Variants in PDE4D observed in about 807,000 individuals in gnomAD.
The protein encoded by PDE4D is 3',5'-cyclic-AMP phosphodiesterase 4D.
PDE4D carries 24 observed loss-of-function variants against 87.4 expected under a neutral mutation model. The ratio of observed to expected loss-of-function variants is 0.27; its 90% confidence interval spans 0.20 to 0.39. The LOEUF (loss-of-function observed/expected upper bound fraction) is 0.39, where lower values mean the gene tolerates loss of function less well. Among genes scored for constraint, PDE4D ranks in the 10% least tolerant of loss-of-function variants. The pLI, the probability that PDE4D is intolerant of heterozygous loss-of-function variation, is 1.00. For synonymous variants in PDE4D, 384 were observed against 383.2 expected, an observed-to-expected ratio of 1.00 and a Z score of -0.02; for missense variants, 714 against 1,041.0, an observed-to-expected ratio of 0.69 and a Z score of 4.32.
intron 1 of PDE4D, among the ~76,000 whole-genome samples, chr5:59,818,282 C>T (rs1769230502): frequency 6.6e-6 from 1 of 152,280 alleles, no homozygotes; most frequent in South Asian, 2.1e-4. Flanking sequence ...TCCCAGTTTG[C>T]TCAGTTGTGA....
At chr5:59,890,706 A>T (rs1007228154) in intron 1 of PDE4D, among the ~76,000 whole-genome samples, 1 of 152,224 alleles carries the variant, frequency 6.6e-6, no homozygotes, top group South Asian at 2.1e-4. Flanking sequence ...CTTGGGTTTC[A>T]GTCTTAGCTC....
chr5:60,011,233 G>C (rs1005634193), intron 2 of PDE4D, among the ~76,000 whole-genome samples: 2 of 152,100 alleles, frequency 1.3e-5, no homozygotes, highest in Non-Finnish European at 2.9e-5. Flanking sequence ...GCACTATTGA[G>C]AGTGAGAAAT....
chr5:59,253,848 A>G (rs933437054), intron 1 of PDE4D, among the ~76,000 whole-genome samples: 27 of 152,134 alleles, frequency 1.8e-4, no homozygotes, highest in Non-Finnish European at 7.3e-5. Context: ...GTGAGGAGTG[A>G]TGTCATAGGA....
chr5:59,389,105 C>T (rs980280144), intron 1 of PDE4D, among the ~76,000 whole-genome samples: 3 of 151,898 alleles, frequency 2.0e-5, no homozygotes, highest in Non-Finnish European at 4.4e-5. Context: ...ATTGTGTGTA[C>T]ATTTACATTT....
intron 2 of PDE4D, among the ~76,000 whole-genome samples, chr5:60,014,057 C>T (rs1232897707): frequency 1.4e-5 from 2 of 147,834 alleles, no homozygotes; most frequent in African/African-American, 5.0e-5. Flanking sequence ...CATGCCACTG[C>T]ACTCCAGCCT....
At chr5:60,236,010 T>C (rs533443713) in intron 1 of PDE4D, among the ~76,000 whole-genome samples, 2 of 152,024 alleles carry the variant, frequency 1.3e-5, no homozygotes, top group South Asian at 2.1e-4. Flanking sequence ...TTTCAGCAAG[T>C]GGTGCTGGAG....
chr5:59,940,704 C>T (rs34093369), intron 3 of PDE4D, among the ~76,000 whole-genome samples: 1 of 151,804 alleles, frequency 6.6e-6, no homozygotes, highest in African/African-American at 2.4e-5. Context: ...TACACAGGTC[C>T]GGAGCTCAGA....
chr5:60,057,740 A>T (rs545280237), intron 2 of PDE4D, among the ~76,000 whole-genome samples: 35 of 152,148 alleles, frequency 2.3e-4, no homozygotes, highest in African/African-American at 8.4e-4. Flanking sequence ...CTGTTAATGT[A>T]GAGTATATTG....
In PDE4D at chr5:59,970,561, C is replaced by T. The variant is rs1384151858; in HGVS notation, c.272+17927G>A. ...AAGTGGTGAAGGACATGAACAGACACTTCTCAAAAGAAGACATTTGTGCAG... is the reference window on the plus strand; with the variant it reads ...AAGTGGTGAAGGACATGAACAGACATTTCTCAAAAGAAGACATTTGTGCAG... On this transcript the variant is annotated intron_variant, in intron 3 of 16. Transcript: ENST00000502484. Among the ~76,000 whole-genome samples the T allele has an allele frequency of 3.3e-5, 5 of 152,158 alleles. No individual in the cohort carries two copies. The South Asian group carries it at 6.2e-4, about 19-fold the overall frequency.
chr5:60,033,063 C>A (rs1342153969), intron 2 of PDE4D: 2 of 152,108 alleles, frequency 1.3e-5, no homozygotes, highest in African/African-American at 4.8e-5. Flanking sequence ...GAGATCATGT[C>A]CAGGTCTATC....
intron 2 of PDE4D, among the ~76,000 whole-genome samples, chr5:60,166,243 C>T (rs1436480610): frequency 5.3e-5 from 8 of 152,226 alleles, no homozygotes; most frequent in African/African-American, 9.6e-5. Context: ...TACAGGCGCC[C>T]GCCACCACGC....
At chr5:59,965,027 A>G (rs1048120804) in intron 3 of PDE4D, among the ~76,000 whole-genome samples, 1 of 152,188 alleles carries the variant, frequency 6.6e-6, no homozygotes, top group Admixed American at 6.6e-5. Flanking sequence ...ACAATTTTCA[A>G]CCACCACGAC....
intron 1 of PDE4D, among the ~76,000 whole-genome samples, chr5:59,624,846 G>C (rs1356192380): frequency 6.6e-6 from 1 of 152,068 alleles, no homozygotes; most frequent in African/African-American, 2.4e-5. Context: ...AAGCTTTTTG[G>C]CTGTGATTAT....
intron 5 of PDE4D, among the ~76,000 whole-genome samples, chr5:59,111,577 T>C (rs1481998227): frequency 6.6e-6 from 1 of 152,196 alleles, no homozygotes; most frequent in East Asian, 1.9e-4. Context: ...AAAAAAGCCA[T>C]ACTTTCTTTC....
chr5:59,115,495 A>G (rs1375769832), intron 5 of PDE4D, among the ~76,000 whole-genome samples: 3 of 148,988 alleles, frequency 2.0e-5, no homozygotes, highest in Non-Finnish European at 4.4e-5. Context: ...CAATTATAGA[A>G]GGTTTAGAAC....
chr5:60,221,691 C>G (rs1744512603), intron 1 of PDE4D, among the ~76,000 whole-genome samples: 1 of 152,122 alleles, frequency 6.6e-6, no homozygotes, highest in South Asian at 2.1e-4. Flanking sequence ...GGATTGCATA[C>G]AAGTCGAATA....
chr5:59,861,800 T>G (rs772915081), intron 1 of PDE4D, among the ~76,000 whole-genome samples: 7 of 152,182 alleles, frequency 4.6e-5, no homozygotes, highest in Non-Finnish European at 8.8e-5. Context: ...GATGGAAAAC[T>G]TTGTGGATAT....
intron 2 of PDE4D, among the ~76,000 whole-genome samples, chr5:60,144,717 G>A (rs1780848425): frequency 6.6e-6 from 1 of 152,114 alleles, no homozygotes; most frequent in Non-Finnish European, 1.5e-5. Context: ...TCTCAGCTTT[G>A]GAATTAGATA....
chr5:59,785,857 T>G (rs1765114051), intron 1 of PDE4D, among the ~76,000 whole-genome samples: 1 of 152,224 alleles, frequency 6.6e-6, no homozygotes, highest in East Asian at 1.9e-4. Flanking sequence ...GTGATGCAAC[T>G]CCTGCATTTG....
Sources: allele counts gnomAD v4.1 joint callset (sites outside exome capture counted in the v4.1 genomes callset), GRCh38; gene constraint gnomAD v4.1.1; transcripts MANE v1.5; gene names NCBI Gene and HGNC (gene_info 2026-07-23, HGNC 2026-07-21).